Variants in ADGRB3 observed in about 807,000 individuals in gnomAD.
The protein encoded by ADGRB3 is adhesion G protein-coupled receptor B3.
ADGRB3 carries 37 observed loss-of-function variants against 193.4 expected under a neutral mutation model. The observed-to-expected ratio is 0.19, with a 90% CI of 0.15 to 0.25. The LOEUF is 0.25. ADGRB3 is among the 10% of genes least tolerant of loss of function. The probability of loss-of-function intolerance (pLI) is 1.00; values close to 1 mark genes in which losing one functional copy is unlikely to be tolerated. For missense variants in ADGRB3, 1,637 were observed against 1,852.9 expected (o/e 0.88, Z 2.14); for synonymous variants, 690 against 644.2 (o/e 1.07, Z -1.08).
chr6:68,930,987 G>A (rs1019078103), intron 4 of ADGRB3, among the ~76,000 whole-genome samples: 1 of 151,808 alleles, frequency 6.6e-6, no homozygotes, highest in African/African-American at 2.4e-5. Context: ...ATAATTGATT[G>A]ACATAAGACT....
intron 17 of ADGRB3, among the ~76,000 whole-genome samples, chr6:69,086,972 C>G (rs140471507): frequency 6.6e-6 from 1 of 152,038 alleles, no homozygotes; most frequent in South Asian, 2.1e-4. Context: ...TTGTTAGAAA[C>G]GTAATTGTAA....
At chr6:68,791,302 A>T (rs535686989) in intron 3 of ADGRB3, among the ~76,000 whole-genome samples, 21 of 152,324 alleles carry the variant, frequency 1.4e-4, no homozygotes, top group African/African-American at 4.8e-4. Context: ...ATGACCATGC[A>T]AGTGAATATT....
At chr6:68,865,540 A>G (rs1286984262) in intron 3 of ADGRB3, among the ~76,000 whole-genome samples, 1 of 152,154 alleles carries the variant, frequency 6.6e-6, no homozygotes, top group African/African-American at 2.4e-5. Flanking sequence ...GTTCAAGATC[A>G]TACTAAAACA....
intron 17 of ADGRB3, among the ~76,000 whole-genome samples, chr6:69,135,194 G>C (rs997179064): frequency 1.3e-5 from 2 of 151,940 alleles, no homozygotes; most frequent in African/African-American, 4.8e-5. Context: ...ATGCTAAGTA[G>C]TGAGTTCATT....
intron 3 of ADGRB3, among the ~76,000 whole-genome samples, chr6:68,771,349 G>A (rs539366577): frequency 1.3e-5 from 2 of 151,344 alleles, no homozygotes; most frequent in South Asian, 2.1e-4. Context: ...CATCTATAAA[G>A]TGTTACAGAC....
At chr6:68,977,452 C>T (rs1051939922) in intron 10 of ADGRB3, among the ~76,000 whole-genome samples, 1 of 152,064 alleles carries the variant, frequency 6.6e-6, no homozygotes, top group African/African-American at 2.4e-5. Context: ...AATAGTATCA[C>T]TTTTGTTGCA....
At chr6:68,825,888 T>C (rs1767834706) in intron 3 of ADGRB3, among the ~76,000 whole-genome samples, 1 of 152,172 alleles carries the variant, frequency 6.6e-6, no homozygotes, top group Admixed American at 6.5e-5. Context: ...TTACCCAGAC[T>C]CAGCAGCTCT....
intron 20 of ADGRB3, among the ~76,000 whole-genome samples, chr6:69,318,258 A>G (rs947870274): frequency 1.3e-5 from 2 of 151,476 alleles, no homozygotes; most frequent in Admixed American, 6.6e-5. Context: ...ACTTCAATAT[A>G]TAATTTCCAA....
At position 69,389,400 on chromosome 6, in the gene ADGRB3, T is replaced by C. The variant is rs1210016162; in HGVS notation, c.*509T>C. On this transcript the variant is annotated 3_prime_UTR_variant, in exon 32 of 32. Transcript: ENST00000370598. ...TTTTATATGAATAATATATTTCACA[T>C]CTTTATTATTGCAGTTTTCTCTAGA... is the stretch of plus-strand genomic sequence containing the variant. 1.3e-5 allele frequency: 2 copies of C among 152,662 alleles called. No homozygotes were observed. Among genetic ancestry groups the C allele is most frequent in the Non-Finnish European group, 2.9e-5 (2 of 68,082 alleles). 9.5% of individuals were successfully genotyped at this position (152,662 alleles called of 1,614,324 possible).
chr6:68,859,363 C>T (rs1348841958), intron 3 of ADGRB3, among the ~76,000 whole-genome samples: 1 of 152,204 alleles, frequency 6.6e-6, no homozygotes, highest in East Asian at 1.9e-4. Context: ...CAACCTCTGC[C>T]TGTTACCCAG....
At chr6:69,226,956 A>G (rs1301142194) in intron 17 of ADGRB3, among the ~76,000 whole-genome samples, 3 of 152,218 alleles carry the variant, frequency 2.0e-5, no homozygotes, top group African/African-American at 2.4e-5. Context: ...CTTTTGATCA[A>G]TTCAAGTCAC....
rs575368968 is a variant in ADGRB3 at position 68,772,019 on chromosome 6, T to G, written c.757+132587T>G. Among the ~76,000 whole-genome samples, 4 of 152,228 alleles carry G rather than the reference T, an allele frequency of 2.6e-5. No individual in the cohort carries two copies. The East Asian group carries it at 7.7e-4, about 29-fold the overall frequency. On this transcript the variant is annotated intron_variant, in intron 3 of 31. Transcript: ENST00000370598. ...TCTATTTATTAGAAGAGGACTACTT[T>G]GAGGAGAAGTTGTACTTTAACAATG...
chr6:68,936,613 T>C lies in ADGRB3; in HGVS notation c.963T>C (p.Pro321=). 1 of 1,614,000 alleles carries C rather than the reference T, an allele frequency of 6.2e-7. No homozygotes were observed. The highest frequency in any genetic ancestry group is 1.1e-5 in the South Asian group (1 of 91,052). The stretch of plus-strand genomic sequence containing the variant: ...TGCGAACCAGAACTTGTGTATCACC[T>C]TACGGGACACACTGCAGCGGCCCAT... The part of the protein sequence containing the change: ...SQVRTRTCVS[P]YGTHCSGPLR... Residue 321 remains proline (P), a synonymous_variant, in exon 5 of 32, where the codon CCT becomes CCC. Coordinates refer to ENST00000370598, the MANE Select transcript of ADGRB3 (RefSeq NM_001704.3).
intron 17 of ADGRB3, among the ~76,000 whole-genome samples, chr6:69,095,964 C>A (rs78128534): frequency 0.062 from 9,365 of 152,120 alleles, 357 homozygotes; most frequent in South Asian, 0.11. Context: ...AAATAATGAG[C>A]AATAATCTAA....
At chr6:68,998,925 G>T (rs6903686) in intron 11 of ADGRB3, among the ~76,000 whole-genome samples, 1 of 151,992 alleles carries the variant, frequency 6.6e-6, no homozygotes, top group African/African-American at 2.4e-5. Flanking sequence ...CTATAAAACT[G>T]TATTTTATCC....
At chr6:69,351,794 G>A (rs1312630284) in intron 26 of ADGRB3, among the ~76,000 whole-genome samples, 1 of 152,148 alleles carries the variant, frequency 6.6e-6, no homozygotes, top group Non-Finnish European at 1.5e-5. Flanking sequence ...TACAAAAATT[G>A]TATTTCCATA....
intron 21 of ADGRB3, among the ~76,000 whole-genome samples, chr6:69,326,292 T>G (rs898475844): frequency 6.6e-6 from 1 of 152,122 alleles, no homozygotes; most frequent in African/African-American, 2.4e-5. Context: ...TTTCATCAAA[T>G]TTTTGTCTAA....
intron 13 of ADGRB3, among the ~76,000 whole-genome samples, chr6:69,044,720 C>T (rs1000528919): frequency 6.6e-6 from 1 of 152,160 alleles, no homozygotes; most frequent in African/African-American, 2.4e-5. Context: ...GATGAGTCAC[C>T]TATTTTTATT....
chr6:69,292,329 G>A (rs2127292938), intron 20 of ADGRB3, among the ~76,000 whole-genome samples: 1 of 151,968 alleles, frequency 6.6e-6, no homozygotes, highest in South Asian at 2.1e-4. Context: ...GTATAGTGAG[G>A]GGCTGCAAAT....
Sources: allele counts gnomAD v4.1 joint callset (sites outside exome capture counted in the v4.1 genomes callset), GRCh38; gene constraint gnomAD v4.1.1; transcripts MANE v1.5; gene names NCBI Gene and HGNC (gene_info 2026-07-23, HGNC 2026-07-21).